Variants in PDE1C observed in about 807,000 individuals in gnomAD.
PDE1C encodes the protein dual specificity calcium/calmodulin-dependent 3',5'-cyclic nucleotide phosphodiesterase 1C.
Under a neutral mutation model 93.1 loss-of-function variants are expected in PDE1C, and 62 were observed. That is an observed-to-expected ratio of 0.67 (90% confidence interval 0.54 to 0.82). PDE1C has a LOEUF of 0.82. Among genes scored for constraint, PDE1C ranks in the 40% least tolerant of loss-of-function variants. The pLI is 0.00. For missense variants in PDE1C, 742 were observed against 884.6 expected (o/e 0.84, Z 2.04); for synonymous variants, 325 against 310.1 (o/e 1.05, Z -0.50).
At chr7:32,276,775 C>G (rs925096627) in intron 1 of PDE1C, among the ~76,000 whole-genome samples, 1 of 152,150 alleles carries the variant, frequency 6.6e-6, no homozygotes. Flanking sequence ...ACAAGAACCA[C>G]TCAATACATA....
chr7:31,895,636 G>C (rs922746415), intron 2 of PDE1C, among the ~76,000 whole-genome samples: 3 of 149,140 alleles, frequency 2.0e-5, no homozygotes, highest in Admixed American at 2.0e-4. Flanking sequence ...TGGTTTGGCT[G>C]TGTCCCCACC....
At chr7:31,767,415 A>G (rs2128618204) in intron 17 of PDE1C, among the ~76,000 whole-genome samples, 1 of 152,236 alleles carries the variant, frequency 6.6e-6, no homozygotes, top group East Asian at 1.9e-4. Flanking sequence ...GTCATTTAAA[A>G]GTGTGCGGCA....
chr7:32,214,514 A>G (rs1413103748), intron 1 of PDE1C, among the ~76,000 whole-genome samples: 3 of 152,182 alleles, frequency 2.0e-5, no homozygotes, highest in Non-Finnish European at 4.4e-5. Context: ...TAAGCCCCTG[A>G]TCCCAGTGAG....
chr7:32,076,433 G>T, upstream of PDE1C, among the ~76,000 whole-genome samples: 1 of 151,982 alleles, frequency 6.6e-6, no homozygotes, highest in East Asian at 1.9e-4. Flanking sequence ...CTGAGGTCAG[G>T]AGTTCAAGAC....
At chr7:31,971,116 C>T (rs889436851) in intron 2 of PDE1C, among the ~76,000 whole-genome samples, 1 of 152,106 alleles carries the variant, frequency 6.6e-6, no homozygotes, top group African/African-American at 2.4e-5. Context: ...CACTCCAGCC[C>T]TGGGCAACAA....
chr7:32,285,783 G>A (rs546244783), intron 1 of PDE1C, among the ~76,000 whole-genome samples: 280 of 143,816 alleles, frequency 1.9e-3, no homozygotes, highest in African/African-American at 7.0e-3. Context: ...GGGAGTGGAG[G>A]GGAGGGGAGG....
At chr7:32,307,738 C>T (rs187942614) in intron 1 of PDE1C, among the ~76,000 whole-genome samples, 19 of 152,226 alleles carry the variant, frequency 1.2e-4, no homozygotes, top group East Asian at 7.7e-4. Flanking sequence ...TTTTATAAAG[C>T]GGGCCCGAGG....
At chr7:32,118,062 C>G in intron 3 of PDE1C, among the ~76,000 whole-genome samples, 1 of 152,134 alleles carries the variant, frequency 6.6e-6, no homozygotes, top group South Asian at 2.1e-4. Flanking sequence ...CTTGTCTTTT[C>G]CCTAAGGGTT....
the PDE1C span, among the ~76,000 whole-genome samples, chr7:31,715,164 T>C: frequency 1.3e-5 from 2 of 152,198 alleles, no homozygotes; most frequent in African/African-American, 4.8e-5. Context: ...TTTGTGGAAC[T>C]ATTTACTATT....
chr7:31,642,668 G>A, the PDE1C span: 1 of 1,609,256 alleles, frequency 6.2e-7, no homozygotes, highest in East Asian at 2.2e-5. Flanking sequence ...CCTTTGTCCT[G>A]GTTTCCCCTA....
intron 2 of PDE1C, among the ~76,000 whole-genome samples, chr7:31,986,930 AC>A (rs1783487547): frequency 6.9e-5 from 2 of 28,992 alleles, no homozygotes; most frequent in Non-Finnish European, 1.4e-4. Context: ...TTGAACACGA[AC>A]ACACACACAC....
At chr7:32,354,201 T>A (rs1402217385) in intron 1 of PDE1C, among the ~76,000 whole-genome samples, 1 of 152,224 alleles carries the variant, frequency 6.6e-6, no homozygotes, top group African/African-American at 2.4e-5. Flanking sequence ...GGCCAACTCC[T>A]TGAGCTTTGA....
intron 1 of PDE1C, among the ~76,000 whole-genome samples, chr7:32,407,235 G>A (rs981619580): frequency 3.3e-5 from 5 of 152,078 alleles, no homozygotes; most frequent in African/African-American, 7.2e-5. Context: ...AGATCATGCC[G>A]CTGCAGTCCA....
chr7:31,667,335 A>G, the PDE1C span, among the ~76,000 whole-genome samples: 1 of 152,156 alleles, frequency 6.6e-6, no homozygotes, highest in Admixed American at 6.5e-5. Flanking sequence ...TCCACAGACT[A>G]TCAAAGGTAG....
intron 15 of PDE1C, among the ~76,000 whole-genome samples, chr7:31,815,412 T>G (rs1788108330): frequency 1.3e-5 from 2 of 152,130 alleles, no homozygotes. Flanking sequence ...TGCCTGGAGC[T>G]CTTCTGTTTT....
At chr7:32,017,601 T>TAA (rs1161047751) in intron 2 of PDE1C, among the ~76,000 whole-genome samples, 13 of 152,160 alleles carry the variant, frequency 8.5e-5, no homozygotes, top group Non-Finnish European at 1.8e-4. Context: ...AATCCCTATA[T>TAA]TTAATGAGGG....
chr7:31,804,225 A>AT lies in PDE1C; in HGVS notation c.1891+4805_1891+4806insA, dbSNP rs1410432940. On this transcript the variant is annotated intron_variant, in intron 16 of 17. Coordinates refer to ENST00000396191, the MANE Select transcript of PDE1C (RefSeq NM_001191057.4). The stretch of plus-strand genomic sequence containing the variant: ...CTTGCTTTTAAGATTGTTAGATAGA[A>AT]CCAGAGCAGCATATAGGCTACAGCT... Among the ~76,000 whole-genome samples, 4 of 151,972 alleles carry AT rather than the reference A, an allele frequency of 2.6e-5. No homozygotes were observed. The East Asian group carries it at 7.8e-4, about 30-fold the overall frequency.
the PDE1C span, chr7:31,707,138 G>A: frequency 4.8e-6 from 7 of 1,454,760 alleles, no homozygotes; most frequent in Non-Finnish European, 6.7e-6. Context: ...TACTGTGTCT[G>A]TCTGCAACGT....
At chr7:32,131,528 G>T (rs1470495282) in intron 3 of PDE1C, among the ~76,000 whole-genome samples, 2 of 152,104 alleles carry the variant, frequency 1.3e-5, no homozygotes, top group Non-Finnish European at 2.9e-5. Flanking sequence ...GTGACCCTTA[G>T]AAGCCCTGAT....
Sources: gnomAD v4.1 joint callset for allele counts (sites outside exome capture counted in the v4.1 genomes callset) on GRCh38, gnomAD v4.1.1 for gene constraint, MANE v1.5 for transcripts, NCBI Gene and HGNC (gene_info 2026-07-23, HGNC 2026-07-21) for gene names.